IFT57: variants seen among roughly 807,000 people sequenced by gnomAD.
The protein encoded by IFT57 is intraflagellar transport 57.
A neutral mutation model predicts 56.8 loss-of-function variants in IFT57; 59 were observed. The ratio of observed to expected loss-of-function variants is 1.04; its 90% CI spans 0.84 to 1.29. IFT57 has a LOEUF of 1.29. Among genes scored for constraint, IFT57 ranks in the 50% most tolerant of loss-of-function variants. IFT57 has a pLI of 0.00. For missense variants in IFT57, 470 were observed against 522.1 expected (o/e 0.90, Z 0.97); for synonymous variants, 209 against 186.1 (o/e 1.12, Z -1.00).
chr3:108,198,360 G>T (rs1161143470), intron 5 of IFT57, among the ~76,000 whole-genome samples: 1 of 152,062 alleles, frequency 6.6e-6, no homozygotes, highest in African/African-American at 2.4e-5. Flanking sequence ...TTATGTTTTT[G>T]ATTTTCTTGT....
intron 6 of IFT57, among the ~76,000 whole-genome samples, chr3:108,174,246 T>C (rs2080111873): frequency 6.6e-6 from 1 of 151,682 alleles, no homozygotes; most frequent in Non-Finnish European, 1.5e-5. Context: ...ACTGTGGCAT[T>C]TTAAAAACAT....
rs1298428680 is a variant in IFT57, at chr3:108,222,271, G to A, written c.52C>T (p.Pro18Ser). The A allele has an allele frequency of 6.2e-7, 1 of 1,613,944 alleles. No individual in the cohort carries two copies. The highest frequency in any genetic ancestry group is 2.2e-5 in the East Asian group (1 of 44,878). Residue 18 changes from proline (P) to serine (S), a missense_variant, in exon 1 of 11, where the codon CCT (proline) becomes TCT (serine). Physicochemically the swap from Pro to Ser is moderately conservative, Grantham distance 74. Coordinates refer to ENST00000264538, the MANE Select transcript of IFT57 (RefSeq NM_018010.4). Reference protein sequence around the residue: ...VTTSGLEDGVPRSRGEGTGEV... With the variant: ...VTTSGLEDGVSRSRGEGTGEV... The stretch of plus-strand genomic sequence containing the variant: ...CCGGTCCCTTCGCCACGGGACCTAG[G>A]CACCCCATCTTCCAAACCCGACGTC...
intron 5 of IFT57, among the ~76,000 whole-genome samples, chr3:108,199,048 G>A (rs1056980939): frequency 6.6e-6 from 1 of 151,962 alleles, no homozygotes; most frequent in Non-Finnish European, 1.5e-5. Flanking sequence ...CCTTCATTCA[G>A]ACACCACTTC....
chr3:108,221,933 G>T, intron 1 of IFT57, 178 bp downstream of exon 1: 1 of 1,250,540 alleles, frequency 8.0e-7, no homozygotes, highest in Non-Finnish European at 1.1e-6. Context: ...CCAAGTCAGG[G>T]CTGCGTGAGC....
rs770441432 is a variant in IFT57 at position 108,222,239 on chromosome 3, C to A, written c.84G>T (p.Val28=). 11 of 1,614,026 alleles carry A rather than the reference C, an allele frequency of 6.8e-6. No homozygotes were observed. In the South Asian group the frequency reaches 1.1e-4, roughly 16 times the overall value. The part of the protein sequence containing the change: ...PRSRGEGTGE[V]VLERGPGAAY... ...CCGCGCCGGGCCCCCGCTCCAAGAC[C>A]ACTTCCCCGGTCCCTTCGCCACGGG... is the stretch of plus-strand genomic sequence containing the variant. Residue 28 remains valine, a synonymous_variant, in exon 1 of 11, where the codon GTG becomes GTT. Coordinates refer to ENST00000264538, the MANE Select transcript of IFT57 (RefSeq NM_018010.4).
chr3:108,189,020 C>G (rs1172855597), intron 6 of IFT57, among the ~76,000 whole-genome samples: 1 of 152,140 alleles, frequency 6.6e-6, no homozygotes, highest in Non-Finnish European at 1.5e-5. Flanking sequence ...ATCATTATAA[C>G]CAGAATCACA....
At chr3:108,182,286 G>C (rs1164282390) in intron 6 of IFT57, among the ~76,000 whole-genome samples, 2 of 152,022 alleles carry the variant, frequency 1.3e-5, no homozygotes, top group Non-Finnish European at 2.9e-5. Context: ...GTTTCTAGAG[G>C]ATACAGATTT....
chr3:108,195,251 G>A (rs1410171667), intron 5 of IFT57, among the ~76,000 whole-genome samples: 1 of 152,066 alleles, frequency 6.6e-6, no homozygotes, highest in East Asian at 1.9e-4. Context: ...AATCACCAGA[G>A]AAATGCGAAC....
In IFT57 at chr3:108,162,382, A is replaced by G; in HGVS notation, c.*95T>C. On this transcript the variant is annotated 3_prime_UTR_variant, in exon 11 of 11. Transcript: ENST00000264538. The stretch of plus-strand genomic sequence containing the variant: ...AGTATGTATATGTAAAAAAATACCC[A>G]TTGAACATAAAATTATGTTTTGAAA... 9.8e-7 allele frequency: 1 copy of G among 1,015,862 alleles called. No individual in the cohort carries two copies. 62.9% of individuals were successfully genotyped at this position (1,015,862 alleles called of 1,614,324 possible).
At chr3:108,205,905 T>C (rs1460392127) in intron 5 of IFT57, among the ~76,000 whole-genome samples, 1 of 129,306 alleles carries the variant, frequency 7.7e-6, no homozygotes, top group African/African-American at 2.9e-5. Context: ...TACATAATTA[T>C]ATATTAATAT....
At chr3:108,173,359 T>C (rs1297205389) in intron 6 of IFT57, among the ~76,000 whole-genome samples, 1 of 151,722 alleles carries the variant, frequency 6.6e-6, no homozygotes, top group African/African-American at 2.4e-5. Flanking sequence ...CAGGTGGTAA[T>C]GGTCTAGTTC....
intron 6 of IFT57, among the ~76,000 whole-genome samples, chr3:108,182,311 A>G (rs564537786): frequency 1.3e-5 from 2 of 152,032 alleles, no homozygotes; most frequent in Non-Finnish European, 2.9e-5. Context: ...ATAATATGAG[A>G]ACGCCTACCA....
At chr3:108,216,902 T>A (rs940402977) in intron 3 of IFT57, among the ~76,000 whole-genome samples, 6 of 151,880 alleles carry the variant, frequency 4.0e-5, no homozygotes, top group Non-Finnish European at 7.4e-5. Flanking sequence ...GTAGAGAGTA[T>A]AATAGTGGTT....
Position 108,166,966 on chromosome 3 carries a change from T to C in IFT57, c.869A>G (p.His290Arg), listed in dbSNP as rs372698064. ...KETKGFLDKLHNEITRTLEKI... is the reference protein window; with the variant it reads ...KETKGFLDKLRNEITRTLEKI... Reference sequence around the variant, plus strand: ...TTCCAAAGTCCTAGTAATTTCATTATGGAGTTTGTCCAAAAATCCCTAGAA... The same window carrying C: ...TTCCAAAGTCCTAGTAATTTCATTACGGAGTTTGTCCAAAAATCCCTAGAA... The change falls in exon 8 of 11, where the codon CAT becomes CGT. Residue 290 changes from histidine to arginine, a missense_variant. Coordinates refer to ENST00000264538, the MANE Select transcript of IFT57 (RefSeq NM_018010.4). The C allele has an allele frequency of 8.7e-6, 14 of 1,608,634 alleles. No individual in the cohort carries two copies. The Admixed American group carries it at 1.0e-4, about 12-fold the overall frequency.
rs577605483 is a variant in IFT57 at position 108,184,982 on chromosome 3, T to C, written c.777+6539A>G. 1.2e-4 allele frequency among the ~76,000 whole-genome samples: 18 copies of C among 152,234 alleles called. No individual in the cohort carries two copies. In the South Asian group the frequency reaches 3.7e-3, roughly 32 times the overall value. On this transcript the variant is annotated intron_variant, in intron 6 of 10. Transcript: ENST00000264538. ...AAGTCCTGACATTACAATAAAGAGA[T>C]GAATTGCTTGACATGTACTGTAGAT...
At chr3:108,213,640 A>G (rs550197430) in intron 4 of IFT57, among the ~76,000 whole-genome samples, 1 of 152,234 alleles carries the variant, frequency 6.6e-6, no homozygotes, top group Non-Finnish European at 1.5e-5. Flanking sequence ...GTCACAGTCT[A>G]TTTAACATCA....
In IFT57 at chr3:108,206,619, G is replaced by A; in HGVS notation, c.654+9C>T. 7.6e-7 allele frequency: 1 copy of A among 1,308,704 alleles called. No homozygotes were observed. The allele number at this position is 1,308,704 out of a possible 1,614,324, so 81.1% of individuals were successfully genotyped here. A position where few individuals can be genotyped will look rare whatever the true frequency, so the allele number is the denominator to read the frequency against. ...CTTGTTGGTCCTGCATGTATCTGATGAAACTTACCAAGTGATATGTCTGGG... is the reference window on the plus strand; with the variant it reads ...CTTGTTGGTCCTGCATGTATCTGATAAAACTTACCAAGTGATATGTCTGGG... On this transcript the variant is annotated intron_variant, in intron 5 of 10. Coordinates refer to ENST00000264538, the MANE Select transcript of IFT57 (RefSeq NM_018010.4).
At chr3:108,185,170 C>G (rs1451602808) in intron 6 of IFT57, among the ~76,000 whole-genome samples, 1 of 152,144 alleles carries the variant, frequency 6.6e-6, no homozygotes, top group Non-Finnish European at 1.5e-5. Flanking sequence ...ACTGAAAATG[C>G]AGCTTTTATG....
At position 108,162,577 on chromosome 3, in the gene IFT57, A is replaced by T. The variant is rs202056159; in HGVS notation, c.1190T>A (p.Val397Glu). 2 of 1,613,310 alleles carry T rather than the reference A, an allele frequency of 1.2e-6. No homozygotes were observed. The highest frequency in any genetic ancestry group is 1.7e-6 in the Non-Finnish European group (2 of 1,179,464). Residue 397 changes from valine (V) to glutamate (E), a missense_variant, in exon 11 of 11, where the codon GTG becomes GAG. Val to Glu is a moderately radical substitution (Grantham distance 121). Coordinates refer to ENST00000264538, the MANE Select transcript of IFT57 (RefSeq NM_018010.4). ...TVEMDIRIGI[V>E]EHTLLQSKLK... ...CTTTGATTGGAGTAGTGTGTGTTCC[A>T]CAATGCCAATTCTAATGTCCATCTC...
Sources: gnomAD v4.1 joint callset for allele counts (sites outside exome capture counted in the v4.1 genomes callset) on GRCh38, gnomAD v4.1.1 for gene constraint, MANE v1.5 for transcripts, NCBI Gene and HGNC (gene_info 2026-07-23, HGNC 2026-07-21) for gene names.